Variants in SVOPL observed in about 807,000 individuals in gnomAD.
SVOPL encodes the protein putative transporter SVOPL.
SVOPL carries 60 observed loss-of-function variants against 61.0 expected under a neutral mutation model. The ratio of observed to expected loss-of-function variants is 0.98; its 90% CI spans 0.80 to 1.22. The LOEUF (loss-of-function observed/expected upper bound fraction) is 1.22, where lower values mean the gene tolerates loss of function less well. Among genes scored for constraint, SVOPL ranks in the 50% most tolerant of loss-of-function variants. SVOPL has a pLI of 0.00. For missense variants in SVOPL, 662 were observed against 643.9 expected, an observed-to-expected ratio of 1.03 and a Z score of -0.30; for synonymous variants, 279 against 250.0, an observed-to-expected ratio of 1.12 and a Z score of -1.09.
intron 4 of SVOPL, among the ~76,000 whole-genome samples, chr7:138,664,416 G>A (rs1802159089): frequency 7.1e-6 from 1 of 140,696 alleles, no homozygotes; most frequent in Non-Finnish European, 1.5e-5. Context: ...TTGGGCGCGT[G>A]CCTAACCCTC....
At chr7:138,677,774 T>C (rs75109467) in intron 3 of SVOPL, among the ~76,000 whole-genome samples, 51 of 151,560 alleles carry the variant, frequency 3.4e-4, no homozygotes, top group African/African-American at 1.2e-3. Context: ...TTATTATTTT[T>C]TTTTTTGAGA....
chr7:138,663,389 C>T (rs1802090373), intron 4 of SVOPL: 1 of 1,383,746 alleles, frequency 7.2e-7, no homozygotes, highest in Non-Finnish European at 9.4e-7. Context: ...CCTCTGCCGC[C>T]CGCTTGTTGC....
At chr7:138,662,970 G>A in intron 5 of SVOPL, 104 bp downstream of exon 5, 2 of 1,560,436 alleles carry the variant, frequency 1.3e-6, no homozygotes, top group Non-Finnish European at 1.7e-6. Context: ...TTTCTATCTT[G>A]GGTATTGGGA....
In SVOPL at chr7:138,627,364, G is replaced by A. The variant is rs1214442197; in HGVS notation, c.1167C>T (p.Asn389=). ...GCTALFFLLL[N]ICTSSAGLIG... ...ACAGAAAATACCTTGAAGTGCAAAT[G>A]TTGAGGAGAAGGAAGAATAAAGCCG... Residue 389 remains asparagine (N), a synonymous_variant, in exon 12 of 16, where the codon AAC becomes AAT. Transcript: ENST00000674285. The A allele has an allele frequency of 1.9e-6, 3 of 1,613,014 alleles. No individual in the cohort carries two copies. The highest frequency in any genetic ancestry group is 2.5e-6 in the Non-Finnish European group (3 of 1,179,106).
intron 9 of SVOPL, among the ~76,000 whole-genome samples, chr7:138,641,018 C>G (rs1420178909): frequency 6.6e-6 from 1 of 151,930 alleles, no homozygotes; most frequent in African/African-American, 2.4e-5. Flanking sequence ...GCCTGAGCAA[C>G]AAAGCAAGAC....
chr7:138,644,915 T>C lies in SVOPL; in HGVS notation c.661-70A>G. On this transcript the variant is annotated intron_variant, in intron 8 of 15. Transcript: ENST00000674285. The stretch of plus-strand genomic sequence containing the variant: ...AACCCAGGGGTACAGCTATTATTGC[T>C]CTATACACTACAGTCCTAGTTTCCC... 3.8e-6 allele frequency: 6 copies of C among 1,590,582 alleles called. No individual in the cohort carries two copies. In the South Asian group the frequency reaches 4.5e-5, roughly 12 times the overall value.
intron 10 of SVOPL, 38 bp from the exon 11 acceptor site, chr7:138,628,401 C>T: frequency 6.2e-7 from 1 of 1,601,868 alleles, no homozygotes; most frequent in Non-Finnish European, 8.5e-7. Context: ...CCAACGCTGA[C>T]ACCAGACCTG....
At chr7:138,701,092 A>G (rs1360467821) in intron 1 of SVOPL, 86 bp downstream of exon 1, 1 of 152,232 alleles carries the variant, frequency 6.6e-6, no homozygotes, top group Non-Finnish European at 1.5e-5. Flanking sequence ...GCCTTCGGCC[A>G]CAAACTAACA....
At chr7:138,659,283 A>G (rs113464416) in intron 6 of SVOPL, among the ~76,000 whole-genome samples, 18,723 of 152,072 alleles carry the variant, frequency 0.12, 1,533 homozygotes, top group East Asian at 0.23. Context: ...CCTGAGGTCA[A>G]GAGTTCGAGA....
chr7:138,681,593 G>A (rs1346579575), intron 1 of SVOPL, among the ~76,000 whole-genome samples: 3 of 152,128 alleles, frequency 2.0e-5, no homozygotes, highest in Admixed American at 6.6e-5. Flanking sequence ...GGAGGCTGAC[G>A]CAGGAGGATC....
At chr7:138,653,093 CTT>C (rs781389912) in intron 7 of SVOPL, among the ~76,000 whole-genome samples, 16 of 152,322 alleles carry the variant, frequency 1.1e-4, no homozygotes, top group African/African-American at 3.4e-4. Context: ...CCCTAACTCT[CTT>C]CAATTATGGG....
chr7:138,688,993 C>T, intron 1 of SVOPL: 1 of 658,072 alleles, frequency 1.5e-6, no homozygotes, highest in South Asian at 1.4e-5. Flanking sequence ...GTTTGCTATT[C>T]ACTTGACCCA....
intron 1 of SVOPL, among the ~76,000 whole-genome samples, chr7:138,679,439 T>C (rs1194828549): frequency 2.0e-5 from 3 of 152,052 alleles, no homozygotes; most frequent in Non-Finnish European, 2.9e-5. Flanking sequence ...CTGGCTAATT[T>C]TTTTTGTATA....
At position 138,628,250 on chromosome 7, in the gene SVOPL, T is replaced by TC. The variant is rs769304357; in HGVS notation, c.976dup (p.Asp326GlyfsTer18). On this transcript the variant is annotated frameshift_variant, in exon 11 of 16. Transcript: ENST00000674285. LOFTEE classifies it high-confidence loss of function. ...GCAGGGGCTCTGGCTCTCCCCTGAG[T>TC]CCCCCCCAGTCACCACCACCGCAGA... 37 of 1,613,196 alleles carry TC rather than the reference T, an allele frequency of 2.3e-5. 1 individual carries two copies. Among genetic ancestry groups the TC allele is most frequent in the South Asian group, 1.9e-4 (17 of 91,048 alleles).
In SVOPL at chr7:138,616,066, G is replaced by A. The variant is rs539996421; in HGVS notation, c.1353+4980C>T. Among the ~76,000 whole-genome samples, 10 of 152,286 alleles carry A rather than the reference G, an allele frequency of 6.6e-5. No homozygotes were observed. The East Asian group carries it at 1.5e-3, about 24-fold the overall frequency. On this transcript the variant is annotated intron_variant, in intron 14 of 15. Coordinates refer to ENST00000674285, the MANE Select transcript of SVOPL (RefSeq NM_001139456.2). ...GATGTGAGGACACAAGAAGGTAGCT[G>A]TCTCCAAGCCGAGAAGAGAGCCCTC...
chr7:138,655,790 A>G (rs1801701323), intron 7 of SVOPL, among the ~76,000 whole-genome samples: 2 of 151,932 alleles, frequency 1.3e-5, no homozygotes, highest in African/African-American at 4.8e-5. Context: ...ATGGATAAGC[A>G]ACAAAAGTGA....
Position 138,597,031 on chromosome 7 carries a change from G to C in SVOPL, c.1354-501C>G. ...AATGTGTCTTGTCTCCGGTTATGGA[G>C]TTGTGTGACACCAAAACTCTTTGGT... On this transcript the variant is annotated intron_variant, in intron 14 of 15. Coordinates refer to ENST00000674285, the MANE Select transcript of SVOPL (RefSeq NM_001139456.2). 5.2e-6 allele frequency: 6 copies of C among 1,156,724 alleles called. No homozygotes were observed. The South Asian group carries it at 1.1e-4, about 22-fold the overall frequency. 71.7% of individuals were successfully genotyped at this position (1,156,724 alleles called of 1,614,324 possible). A position where few individuals can be genotyped will look rare whatever the true frequency, so the allele number is the denominator to read the frequency against.
chr7:138,634,159 C>T (rs891327988), intron 9 of SVOPL, among the ~76,000 whole-genome samples: 3 of 152,210 alleles, frequency 2.0e-5, no homozygotes, highest in African/African-American at 7.2e-5. Flanking sequence ...GATGCCATCT[C>T]ATTCTGCCAG....
intron 8 of SVOPL, among the ~76,000 whole-genome samples, 192 bp downstream of exon 8, chr7:138,648,820 G>GCAGTAGAATCTCTA (rs1392471873): frequency 6.6e-6 from 1 of 151,800 alleles, no homozygotes; most frequent in Non-Finnish European, 1.5e-5. Flanking sequence ...TACTCGGGAG[G>GCAGTAGAATCTCTA]CTGAGGCAGG....
Sources: allele counts gnomAD v4.1 joint callset (sites outside exome capture counted in the v4.1 genomes callset), GRCh38; gene constraint gnomAD v4.1.1; transcripts MANE v1.5; gene names NCBI Gene and HGNC (gene_info 2026-07-23, HGNC 2026-07-21).